Variants in PITPNC1 observed in about 807,000 individuals in gnomAD.
The protein encoded by PITPNC1 is phosphatidylinositol transfer protein cytoplasmic 1.
PITPNC1 carries 18 observed loss-of-function variants against 44.7 expected under a neutral mutation model. The observed-to-expected ratio is 0.40, with a 90% confidence interval of 0.28 to 0.60. The LOEUF (loss-of-function observed/expected upper bound fraction) is 0.60, where lower values mean the gene tolerates loss of function less well. Ranked by LOEUF, PITPNC1 falls within the 20% of genes least tolerant of loss-of-function variation. The pLI, the probability that PITPNC1 is intolerant of heterozygous loss-of-function variation, is 0.39. For synonymous variants in PITPNC1, 141 were observed against 149.6 expected (o/e 0.94, Z 0.42); for missense variants, 290 against 418.4 (o/e 0.69, Z 2.68).
chr17:67,560,863 C>G (rs2040897851), intron 4 of PITPNC1, among the ~76,000 whole-genome samples: 1 of 152,144 alleles, frequency 6.6e-6, no homozygotes, highest in Admixed American at 6.5e-5. Flanking sequence ...TTTTTTAACA[C>G]CACTCGAAAT....
At chr17:67,621,980 C>T (rs1381251085) in intron 5 of PITPNC1, among the ~76,000 whole-genome samples, 2 of 152,062 alleles carry the variant, frequency 1.3e-5, no homozygotes, top group East Asian at 3.9e-4. Flanking sequence ...TACTTTTGCA[C>T]CAACCTAATA....
rs561150478 is a variant in PITPNC1, at chr17:67,675,541, T to C, written c.681T>C (p.Tyr227=). 3.8e-6 allele frequency: 6 copies of C among 1,594,392 alleles called. No individual in the cohort carries two copies. The South Asian group carries it at 6.6e-5, about 18-fold the overall frequency. Residue 227 remains tyrosine, a splice_region_variant and synonymous_variant, in exon 8 of 9, where the codon TAT becomes TAC. Coordinates refer to ENST00000581322, the MANE Select transcript of PITPNC1 (RefSeq NM_012417.4). ...CTTTTGCATGGGTTGATGAGTGGTA[T>C]GGTAAGTCAATTTCTCCAAAATAAC... ...RQAFAWVDEW[Y]DMTMDEVREF... is the part of the protein sequence containing the mutation.
rs2042967948 is a variant in PITPNC1 at position 67,693,778 on chromosome 17, G to A, written c.*890G>A. ...TATCTGCCCACTCAAAGAAGTACAA[G>A]GGTAGAGTAAGCTAACTGGGCTTTA... On this transcript the variant is annotated 3_prime_UTR_variant, in exon 9 of 9. Transcript: ENST00000581322. The A allele has an allele frequency of 6.6e-6, 1 of 152,206 alleles. No individual in the cohort carries two copies. Among genetic ancestry groups the A allele is most frequent in the South Asian group, 2.1e-4 (1 of 4,832 alleles). The allele number at this position is 152,206 out of a possible 1,614,324, so 9.4% of individuals were successfully genotyped here.
At chr17:67,422,029 G>A (rs1421586086) in intron 1 of PITPNC1, among the ~76,000 whole-genome samples, 2 of 152,196 alleles carry the variant, frequency 1.3e-5, no homozygotes, top group Non-Finnish European at 2.9e-5. Flanking sequence ...CCAAGAATCT[G>A]TGAACCCTTA....
At position 67,414,847 on chromosome 17, in the gene PITPNC1, T is replaced by C. The variant is rs2038564131; in HGVS notation, c.48+36645T>C. ...GTTTCTGAGTGTGTTCTATAGAGTT[T>C]TTCTGTCTCTGTGTCTTTGCACATT... is the stretch of plus-strand genomic sequence containing the variant. On this transcript the variant is annotated intron_variant, in intron 1 of 8. Coordinates refer to ENST00000581322, the MANE Select transcript of PITPNC1 (RefSeq NM_012417.4). 3.3e-5 allele frequency among the ~76,000 whole-genome samples: 5 copies of C among 152,266 alleles called. No individual in the cohort carries two copies. In the South Asian group the frequency reaches 1.0e-3, roughly 32 times the overall value.
chr17:67,694,806 C>A lies in PITPNC1; in HGVS notation c.*1918C>A, dbSNP rs9892530. 6.6e-6 allele frequency: 1 copy of A among 151,970 alleles called. No homozygotes were observed. The highest frequency in any genetic ancestry group is 1.5e-5 in the Non-Finnish European group (1 of 67,992). The allele number at this position is 151,970 out of a possible 1,614,324, so 9.4% of individuals were successfully genotyped here. ...GACCCCTCGGACTTCTCAATCCCTCCCTCTCCACACAGTAGTACTTAATGA... is the reference window on the plus strand; with the variant it reads ...GACCCCTCGGACTTCTCAATCCCTCACTCTCCACACAGTAGTACTTAATGA... On this transcript the variant is annotated 3_prime_UTR_variant, in exon 9 of 9. Transcript: ENST00000581322.
At position 67,495,053 on chromosome 17, in the gene PITPNC1, T is replaced by G. The variant is rs984459087; in HGVS notation, c.49-37749T>G. ...AGCCATGGAGTTGTTTTTTTTTTTG[T>G]TTTTTTTTTTTTTTTTTTTTTGAGA... On this transcript the variant is annotated intron_variant, in intron 1 of 8. Transcript: ENST00000581322. 2.2e-4 allele frequency among the ~76,000 whole-genome samples: 12 copies of G among 55,596 alleles called. 1 individual carries two copies. Among genetic ancestry groups the G allele is most frequent in the African/African-American group, 8.1e-4 (11 of 13,526 alleles). 36.5% of individuals were successfully genotyped at this position (55,596 alleles called of 152,430 possible). A position where few individuals can be genotyped will look rare whatever the true frequency, so the allele number is the denominator to read the frequency against.
At chr17:67,681,644 CA>C (rs2042710563) in intron 8 of PITPNC1, among the ~76,000 whole-genome samples, 1 of 129,438 alleles carries the variant, frequency 7.7e-6, no homozygotes, top group Non-Finnish European at 1.7e-5. Context: ...ATCAGTCACT[CA>C]AGAAAATGGT....
At chr17:67,682,315 G>A (rs2042725030) in intron 8 of PITPNC1, among the ~76,000 whole-genome samples, 1 of 152,216 alleles carries the variant, frequency 6.6e-6, no homozygotes, top group Admixed American at 6.5e-5. Context: ...CAGTGTAAAT[G>A]TTTACTAACA....
chr17:67,659,317 G>A (rs1412981828), intron 6 of PITPNC1, among the ~76,000 whole-genome samples: 1 of 152,160 alleles, frequency 6.6e-6, no homozygotes, highest in African/African-American at 2.4e-5. Context: ...TTCATGATGT[G>A]AGCTTGGATT....
At chr17:67,581,798 C>A (rs532434903) in intron 5 of PITPNC1, among the ~76,000 whole-genome samples, 1 of 152,164 alleles carries the variant, frequency 6.6e-6, no homozygotes, top group Admixed American at 6.5e-5. Flanking sequence ...CTTTGGGAGG[C>A]TGAGGTGGGT....
At chr17:67,522,808 G>T (rs1308165265) in intron 1 of PITPNC1, among the ~76,000 whole-genome samples, 1 of 151,678 alleles carries the variant, frequency 6.6e-6, no homozygotes, top group African/African-American at 2.4e-5. Flanking sequence ...GACTACAGGC[G>T]TGTGCCACCA....
At chr17:67,432,335 A>G (rs2117056) in intron 1 of PITPNC1, among the ~76,000 whole-genome samples, 27,450 of 151,950 alleles carry the variant, frequency 0.18, 2,748 homozygotes, top group Middle Eastern at 0.32. Flanking sequence ...TAAAAATACA[A>G]AAATTAGCCG....
chr17:67,434,906 C>T (rs752341057), intron 1 of PITPNC1, among the ~76,000 whole-genome samples: 5 of 151,612 alleles, frequency 3.3e-5, no homozygotes, highest in South Asian at 2.1e-4. Flanking sequence ...GTCAGGAGTT[C>T]GAGACCAGCC....
chr17:67,662,814 G>T (rs1486162478), intron 6 of PITPNC1, among the ~76,000 whole-genome samples: 12 of 152,088 alleles, frequency 7.9e-5, no homozygotes, highest in African/African-American at 4.8e-5. Flanking sequence ...GGGTACATGT[G>T]CAGAATAGTT....
At chr17:67,439,988 A>G (rs2038990119) in intron 1 of PITPNC1, among the ~76,000 whole-genome samples, 1 of 152,182 alleles carries the variant, frequency 6.6e-6, no homozygotes, top group Non-Finnish European at 1.5e-5. Context: ...TGTAAAATGT[A>G]TGAGGTAGGC....
At chr17:67,453,897 C>T (rs1056399910) in intron 1 of PITPNC1, among the ~76,000 whole-genome samples, 7 of 152,172 alleles carry the variant, frequency 4.6e-5, no homozygotes, top group African/African-American at 1.7e-4. Context: ...CCAGAATGTA[C>T]TGGCTTGATT....
At chr17:67,529,803 C>T (rs557750069) in intron 1 of PITPNC1, among the ~76,000 whole-genome samples, 5 of 152,240 alleles carry the variant, frequency 3.3e-5, no homozygotes, top group South Asian at 2.1e-4. Flanking sequence ...AAAAATTAGT[C>T]GGGTCGTAGC....
At chr17:67,552,038 G>A (rs2040771058) in intron 2 of PITPNC1, among the ~76,000 whole-genome samples, 1 of 152,172 alleles carries the variant, frequency 6.6e-6, no homozygotes, top group African/African-American at 2.4e-5. Flanking sequence ...CCCCCACCAG[G>A]CTGTAGCCTT....
Sources: allele counts gnomAD v4.1 joint callset (sites outside exome capture counted in the v4.1 genomes callset), GRCh38; gene constraint gnomAD v4.1.1; transcripts MANE v1.5; gene names NCBI Gene and HGNC (gene_info 2026-07-23, HGNC 2026-07-21).